Variants in RAPH1 observed in about 807,000 individuals in gnomAD.
RAPH1 encodes the protein ras-associated and pleckstrin homology domains-containing protein 1.
RAPH1 carries 18 observed loss-of-function variants against 88.1 expected under a neutral mutation model. The ratio of observed to expected loss-of-function variants is 0.20; its 90% CI spans 0.14 to 0.30. The LOEUF (loss-of-function observed/expected upper bound fraction) is 0.30. RAPH1 is among the 10% of genes least tolerant of loss of function. The pLI is 1.00. For missense variants in RAPH1, 1,448 were observed against 1,543.2 expected (o/e 0.94, Z 1.03); for synonymous variants, 587 against 559.0 (o/e 1.05, Z -0.71).
At position 203,462,003 on chromosome 2, in the gene RAPH1, G is replaced by A. The variant is rs1043058453; in HGVS notation, c.733-78C>T. ...AGAAATCTTTTTTATCCTTAAGGAT[G>A]CTCCCAGCAATAAATTTCATTAAGA... On this transcript the variant is annotated intron_variant, in intron 4 of 13. Coordinates refer to ENST00000319170, the MANE Select transcript of RAPH1 (RefSeq NM_213589.3). 1.2e-5 allele frequency: 14 copies of A among 1,130,766 alleles called. No homozygotes were observed. The African/African-American group carries it at 1.3e-4, about 10-fold the overall frequency. 70.0% of individuals were successfully genotyped at this position (1,130,766 alleles called of 1,614,324 possible). A position where few individuals can be genotyped will look rare whatever the true frequency, so the allele number is the denominator to read the frequency against.
rs112593378 is a variant in RAPH1 at position 203,489,477 on chromosome 2, C to A, written c.732+107G>T. On this transcript the variant is annotated intron_variant, in intron 4 of 13. Transcript: ENST00000319170. ...AAACCTATCTCAGAAGTATCTTTGA[C>A]AAATTATAAATGTAGAAGAATTTAA... is the stretch of plus-strand genomic sequence containing the variant. The A allele has an allele frequency of 1.7e-5, 15 of 866,000 alleles. No homozygotes were observed. The African/African-American group carries it at 2.0e-4, about 12-fold the overall frequency. 53.6% of individuals were successfully genotyped at this position (866,000 alleles called of 1,614,324 possible).
intron 12 of RAPH1, 59 bp from the exon 13 acceptor site, chr2:203,445,069 A>G (rs764460572): frequency 3.4e-6 from 5 of 1,482,654 alleles, no homozygotes; most frequent in Non-Finnish European, 4.7e-6. Flanking sequence ...GACAATATTC[A>G]TATGTATGTC....
Position 203,489,899 on chromosome 2 carries a change from TGAA to T in RAPH1, c.414_416del (p.Ser140del). 2 of 1,614,224 alleles carry T rather than the reference TGAA, an allele frequency of 1.2e-6. No homozygotes were observed. The highest frequency in any genetic ancestry group is 1.6e-4 in the Middle Eastern group (1 of 6,062). ...GGGAAGGTTTAGCTATCCTATTAGA[TGAA>T]GAAGATAATCCTTTCAAGGTGCCAT... On this transcript the variant is annotated inframe_deletion, in exon 4 of 14. Coordinates refer to ENST00000319170, the MANE Select transcript of RAPH1 (RefSeq NM_213589.3).
intron 1 of RAPH1, among the ~76,000 whole-genome samples, chr2:203,524,783 T>C (rs1356668492): frequency 6.6e-6 from 1 of 152,164 alleles, no homozygotes; most frequent in Non-Finnish European, 1.5e-5. Context: ...TCAGTTTTGA[T>C]TACAGTGATG....
chr2:203,516,983 G>A (rs1039528547), intron 1 of RAPH1, among the ~76,000 whole-genome samples: 154 of 151,434 alleles, frequency 1.0e-3, no homozygotes, highest in South Asian at 6.3e-4. Flanking sequence ...GCAGTGAGCC[G>A]ACATCGCGTC....
intron 1 of RAPH1, among the ~76,000 whole-genome samples, chr2:203,523,728 C>T (rs780096480): frequency 6.6e-6 from 1 of 152,088 alleles, no homozygotes; most frequent in Non-Finnish European, 1.5e-5. Context: ...AATACACGGC[C>T]AGGAGCAGTG....
At chr2:203,451,290 CCTCT>C (rs2098514706) in intron 10 of RAPH1, among the ~76,000 whole-genome samples, 1 of 152,036 alleles carries the variant, frequency 6.6e-6, no homozygotes, top group Admixed American at 6.6e-5. Context: ...ACTCACAAAA[CCTCT>C]CTGAGTTACA....
intron 1 of RAPH1, among the ~76,000 whole-genome samples, chr2:203,516,371 CA>C (rs1362317400): frequency 6.6e-6 from 1 of 152,152 alleles, no homozygotes; most frequent in African/African-American, 2.4e-5. Context: ...CAAGAAATAG[CA>C]AATGGTAATA....
In RAPH1 at chr2:203,440,871, G is replaced by A; in HGVS notation, c.2319C>T (p.Leu773=). The change falls in exon 14 of 14, where the codon CTC becomes CTT. Residue 773 remains leucine, a synonymous_variant. Coordinates refer to ENST00000319170, the MANE Select transcript of RAPH1 (RefSeq NM_213589.3). ...PPPPPPIPAP[L]PPQAPPKPLV... is the part of the protein sequence containing the mutation. ...GGGGTTTTGGGGGAGCTTGGGGAGG[G>A]AGGGGTGCAGGGATAGGAGGAGGTG... The A allele has an allele frequency of 1.5e-6, 2 of 1,355,520 alleles. No homozygotes were observed. The highest frequency in any genetic ancestry group is 2.1e-6 in the Non-Finnish European group (2 of 974,758). 84.0% of individuals were successfully genotyped at this position (1,355,520 alleles called of 1,614,324 possible). A position where few individuals can be genotyped will look rare whatever the true frequency, so the allele number is the denominator to read the frequency against.
Position 203,438,308 on chromosome 2 carries a change from CAGTTCT to C in RAPH1, c.*1123_*1128del. 2.5e-6 allele frequency: 1 copy of C among 399,376 alleles called. No individual in the cohort carries two copies. The highest frequency in any genetic ancestry group is 3.0e-5 in the Admixed American group (1 of 33,432). 24.7% of individuals were successfully genotyped at this position (399,376 alleles called of 1,614,324 possible). A position where few individuals can be genotyped will look rare whatever the true frequency, so the allele number is the denominator to read the frequency against. ...AGATTAATGACACCTGTACAGGGGC[CAGTTCT>C]GTTCTCTCATCACCCTTCCCTTCTA... On this transcript the variant is annotated 3_prime_UTR_variant, in exon 14 of 14. Transcript: ENST00000319170.
intron 1 of RAPH1, among the ~76,000 whole-genome samples, chr2:203,519,891 A>T (rs1408122419): frequency 6.6e-6 from 1 of 152,256 alleles, no homozygotes; most frequent in African/African-American, 2.4e-5. Flanking sequence ...CACAATAGGT[A>T]ACATTTTCCT....
At position 203,440,543 on chromosome 2, in the gene RAPH1, A is replaced by G. The variant is rs2098502609; in HGVS notation, c.2647T>C (p.Leu883=). ...PTPPAMESQP[L]KPVPANVAPQ... is the part of the protein sequence containing the mutation. ...GCTACATTTGCTGGGACAGGCTTTAAGGGCTGAGATTCCATGGCAGGGGGA... is the reference window on the plus strand; with the variant it reads ...GCTACATTTGCTGGGACAGGCTTTAGGGGCTGAGATTCCATGGCAGGGGGA... The change falls in exon 14 of 14, where the codon TTA becomes CTA. Residue 883 remains leucine (L), a synonymous_variant. Coordinates refer to ENST00000319170, the MANE Select transcript of RAPH1 (RefSeq NM_213589.3). 1.3e-6 allele frequency: 2 copies of G among 1,541,656 alleles called. No individual in the cohort carries two copies. Among genetic ancestry groups the G allele is most frequent in the African/African-American group, 1.4e-5 (1 of 71,860 alleles).
At chr2:203,493,987 A>G (rs1003361699) in intron 2 of RAPH1, among the ~76,000 whole-genome samples, 1 of 149,618 alleles carries the variant, frequency 6.7e-6, no homozygotes, top group Non-Finnish European at 1.5e-5. Context: ...AAAAAAAAAA[A>G]AAAAAAAAAA....
chr2:203,494,644 TA>T (rs1224125856), intron 2 of RAPH1, among the ~76,000 whole-genome samples: 1 of 151,510 alleles, frequency 6.6e-6, no homozygotes, highest in African/African-American at 2.4e-5. Flanking sequence ...CCGTCTCTAC[TA>T]AAAAATACAA....
In RAPH1 at chr2:203,434,056, CTATATATATA is replaced by C. The variant is rs372040819; in HGVS notation, c.*5371_*5380del. 6.9e-6 allele frequency: 1 copy of C among 145,646 alleles called. No homozygotes were observed. The highest frequency in any genetic ancestry group is 2.5e-5 in the African/African-American group (1 of 39,222). 9.0% of individuals were successfully genotyped at this position (145,646 alleles called of 1,614,324 possible). ...CTCTCTCATATATCTATCTATCTAT[CTATATATATA>C]TATATATATATATAGCTTTGCACAA... On this transcript the variant is annotated 3_prime_UTR_variant, in exon 14 of 14. Transcript: ENST00000319170.
chr2:203,504,270 C>T (rs573732605), intron 1 of RAPH1, among the ~76,000 whole-genome samples: 1 of 152,346 alleles, frequency 6.6e-6, no homozygotes, highest in East Asian at 1.9e-4. Flanking sequence ...TTTGCCTAGG[C>T]ATCCAGGTGT....
At chr2:203,524,271 G>A (rs774938869) in intron 1 of RAPH1, among the ~76,000 whole-genome samples, 10 of 152,140 alleles carry the variant, frequency 6.6e-5, no homozygotes, top group Non-Finnish European at 1.5e-4. Context: ...GCTAGAATGA[G>A]AAAGACTGAC....
At chr2:203,465,851 C>T (rs539185995) in intron 4 of RAPH1, among the ~76,000 whole-genome samples, 50 of 152,208 alleles carry the variant, frequency 3.3e-4, no homozygotes, top group African/African-American at 1.1e-3. Context: ...ATACTCCAGC[C>T]TGGGTGACAC....
At chr2:203,515,047 A>G (rs1689532617) in intron 1 of RAPH1, among the ~76,000 whole-genome samples, 1 of 152,186 alleles carries the variant, frequency 6.6e-6, no homozygotes, top group Non-Finnish European at 1.5e-5. Context: ...GTGCATGTGT[A>G]CATACACTTT....
Sources: gnomAD v4.1 joint callset for allele counts (sites outside exome capture counted in the v4.1 genomes callset) on GRCh38, gnomAD v4.1.1 for gene constraint, MANE v1.5 for transcripts, NCBI Gene and HGNC (gene_info 2026-07-23, HGNC 2026-07-21) for gene names.